The following ZNF766 variants were observed in gnomAD, a reference collection of about 807,000 sequenced individuals.
ZNF766 encodes the protein zinc finger protein 766.
ZNF766 carries 13 observed loss-of-function variants against 13.2 expected under a neutral mutation model. The observed-to-expected ratio is 0.98, with a 90% CI of 0.64 to 1.56. ZNF766 has a LOEUF of 1.56. Ranked by LOEUF, ZNF766 falls within the 40% of genes most tolerant of loss-of-function variation. ZNF766 has a pLI of 0.00. For synonymous variants in ZNF766, 178 were observed against 187.6 expected (o/e 0.95, Z 0.42); for missense variants, 521 against 552.2 (o/e 0.94, Z 0.57).
chr19:52,275,567 C>G (rs1981152859), intron 1 of ZNF766: 1 of 152,232 alleles, frequency 6.6e-6, no homozygotes, highest in Non-Finnish European at 1.5e-5. Context: ...CACTCACTCA[C>G]TCACCCACAG....
chr19:52,293,997 A>C lies in ZNF766; in HGVS notation c.*2799A>C, dbSNP rs1316268464. ...CACATAACAGTGCAGCTTCATCATC[A>C]TATGCCCTCAATGTTCATCACTGTT... is the stretch of plus-strand genomic sequence containing the variant. On this transcript the variant is annotated 3_prime_UTR_variant, in exon 4 of 4. Transcript: ENST00000439461. 6.6e-6 allele frequency: 1 copy of C among 152,160 alleles called. No individual in the cohort carries two copies. The highest frequency in any genetic ancestry group is 1.5e-5 in the Non-Finnish European group (1 of 68,036). 9.4% of individuals were successfully genotyped at this position (152,160 alleles called of 1,614,324 possible). A position where few individuals can be genotyped will look rare whatever the true frequency, so the allele number is the denominator to read the frequency against.
intron 1 of ZNF766, among the ~76,000 whole-genome samples, chr19:52,272,679 G>C (rs1322596858): frequency 6.6e-6 from 1 of 151,924 alleles, no homozygotes; most frequent in East Asian, 1.9e-4. Flanking sequence ...TGTTGAATAG[G>C]CTTGGATCTC....
intron 1 of ZNF766, among the ~76,000 whole-genome samples, chr19:52,273,026 T>TC (rs1600193714): frequency 6.7e-6 from 1 of 149,408 alleles, no homozygotes; most frequent in Admixed American, 6.7e-5. Flanking sequence ...TATTTTTTTT[T>TC]CGAGACGGAG....
At chr19:52,276,530 T>C (rs1338201455) in intron 1 of ZNF766, among the ~76,000 whole-genome samples, 1 of 152,182 alleles carries the variant, frequency 6.6e-6, no homozygotes. Context: ...AATAGTAGTC[T>C]TTTTGATCAG....
rs1982041933 is a variant in ZNF766 at position 52,290,047 on chromosome 19, T to G, written c.275-19T>G. ...CCAGAACCATGGGTTCAAATTATAC[T>G]CTTTACTTGCTTTCCTAGGGAGGAG... On this transcript the variant is annotated intron_variant, in intron 3 of 3. Transcript: ENST00000439461. 1.9e-6 allele frequency: 3 copies of G among 1,572,678 alleles called. No homozygotes were observed. Among genetic ancestry groups the G allele is most frequent in the African/African-American group, 1.4e-5 (1 of 73,176 alleles).
rs1237615465 is a variant in ZNF766, at chr19:52,290,991, A to G, written c.1200A>G (p.Arg400=). ...KVFTQVSHLA[R]HQKIHTGEKP... is the part of the protein sequence containing the mutation. Reference sequence around the variant, plus strand: ...TCACTCAAGTTTCACATCTTGCACGACATCAGAAAATTCACACTGGAGAGA... The same window carrying G: ...TCACTCAAGTTTCACATCTTGCACGGCATCAGAAAATTCACACTGGAGAGA... The change falls in exon 4 of 4, where the codon CGA becomes CGG. Residue 400 remains arginine (R), a synonymous_variant. Coordinates refer to ENST00000439461, the MANE Select transcript of ZNF766 (RefSeq NM_001010851.3). 4 of 1,613,934 alleles carry G rather than the reference A, an allele frequency of 2.5e-6. No individual in the cohort carries two copies. In the African/African-American group the frequency reaches 4.0e-5, roughly 16 times the overall value.
Position 52,291,863 on chromosome 19 carries a change from C to T in ZNF766, c.*665C>T. ...GCCAAGACAGGAGGGTCACTTGATG[C>T]CTGGAGATCAAGATAAGTATGGGCA... On this transcript the variant is annotated 3_prime_UTR_variant, in exon 4 of 4. Coordinates refer to ENST00000439461, the MANE Select transcript of ZNF766 (RefSeq NM_001010851.3). 1 of 349,024 alleles carries T rather than the reference C, an allele frequency of 2.9e-6. No individual in the cohort carries two copies. Among genetic ancestry groups the T allele is most frequent in the South Asian group, 6.8e-5 (1 of 14,656 alleles). The allele number at this position is 349,024 out of a possible 1,614,324, so 21.6% of individuals were successfully genotyped here.
At position 52,290,782 on chromosome 19, in the gene ZNF766, A is replaced by G. The variant is rs1251864734; in HGVS notation, c.991A>G (p.Lys331Glu). The G allele has an allele frequency of 6.2e-7, 1 of 1,613,888 alleles. No homozygotes were observed. Among genetic ancestry groups the G allele is most frequent in the East Asian group, 2.2e-5 (1 of 44,886 alleles). Residue 331 changes from lysine to glutamate, a missense_variant, in exon 4 of 4, where the codon AAA (lysine) becomes GAA (glutamate). Lys to Glu is a moderately conservative substitution (Grantham distance 56, BLOSUM62 1). Transcript: ENST00000439461. ...AGGAGAGAAACTTTACAAATGTAAT[A>G]AATGTGGCAAAGAATTTAGTGGGCA... is the stretch of plus-strand genomic sequence containing the variant. ...HTGEKLYKCNKCGKEFSGHSS... is the reference protein window; with the variant it reads ...HTGEKLYKCNECGKEFSGHSS...
At chr19:52,285,761 T>A (rs1358025171) in intron 3 of ZNF766, among the ~76,000 whole-genome samples, 1 of 151,864 alleles carries the variant, frequency 6.6e-6, no homozygotes, top group African/African-American at 2.4e-5. Flanking sequence ...AGACCCGCAA[T>A]CAGAAAGGTA....
Position 52,293,811 on chromosome 19 carries a change from GAC to G in ZNF766, c.*2615_*2616del, listed in dbSNP as rs1426105123. On this transcript the variant is annotated 3_prime_UTR_variant, in exon 4 of 4. Transcript: ENST00000439461. ...CAGCTAATTTTGTTTTTTTAGTAGA[GAC>G]AGGGTTTCTCCATATTGGTGAGGCT... is the stretch of plus-strand genomic sequence containing the variant. The G allele has an allele frequency of 1.3e-5, 2 of 151,874 alleles. No individual in the cohort carries two copies. The highest frequency in any genetic ancestry group is 2.9e-5 in the Non-Finnish European group (2 of 68,048). The allele number at this position is 151,874 out of a possible 1,614,324, so 9.4% of individuals were successfully genotyped here. A position where few individuals can be genotyped will look rare whatever the true frequency, so the allele number is the denominator to read the frequency against.
At chr19:52,272,152 C>A (rs1981007309) in intron 1 of ZNF766, among the ~76,000 whole-genome samples, 1 of 152,146 alleles carries the variant, frequency 6.6e-6, no homozygotes, top group Non-Finnish European at 1.5e-5. Context: ...TTTCTGTCTT[C>A]AGTCTTGCCT....
intron 3 of ZNF766, among the ~76,000 whole-genome samples, chr19:52,287,238 G>T (rs1400558341): frequency 6.6e-6 from 1 of 152,006 alleles, no homozygotes; most frequent in African/African-American, 2.4e-5. Flanking sequence ...CGCCTCCCGG[G>T]TTCAAGCGGT....
Position 52,290,401 on chromosome 19 carries a change from A to T in ZNF766, c.610A>T (p.Asn204Tyr), listed in dbSNP as rs1232372351. The stretch of plus-strand genomic sequence containing the variant: ...CTTCAGAGTGTCTTCAAGCCTTCCT[A>T]ATCATCAAGTAATCCACACTGCAGA... Reference protein sequence around the residue: ...KVFRVSSSLPNHQVIHTADKP... With the variant: ...KVFRVSSSLPYHQVIHTADKP... The change falls in exon 4 of 4, where the codon AAT (asparagine) becomes TAT (tyrosine). Residue 204 changes from asparagine (N) to tyrosine (Y), a missense_variant. By Grantham distance (143) the Asn-to-Tyr change is moderately radical (BLOSUM62 -2). Transcript: ENST00000439461. The T allele has an allele frequency of 1.2e-6, 2 of 1,613,832 alleles. No individual in the cohort carries two copies. Among genetic ancestry groups the T allele is most frequent in the South Asian group, 2.2e-5 (2 of 91,094 alleles).
intron 1 of ZNF766, among the ~76,000 whole-genome samples, chr19:52,278,173 A>G (rs1018354327): frequency 2.0e-5 from 3 of 151,860 alleles, no homozygotes; most frequent in Non-Finnish European, 2.9e-5. Context: ...GGGTTTCACC[A>G]TCTCCACCCA....
chr19:52,282,528 C>G (rs62110408), intron 2 of ZNF766: 27 of 205,120 alleles, frequency 1.3e-4, no homozygotes, highest in Non-Finnish European at 2.5e-4. Context: ...CTCAGCTACA[C>G]GGGAGGCTGA....
At chr19:52,276,967 T>G (rs1011072024) in intron 1 of ZNF766, among the ~76,000 whole-genome samples, 4 of 152,152 alleles carry the variant, frequency 2.6e-5, no homozygotes, top group African/African-American at 9.7e-5. Flanking sequence ...GAGCGGGTTC[T>G]GAAGAAAGGG....
rs146370183 is a variant in ZNF766 at position 52,278,424 on chromosome 19, A to G, written c.19-3687A>G. ...CACTTTTTTCGTTTGTTTGTTTGAG[A>G]TGGAATTTCGCTGTTGTCGCCCAGG... On this transcript the variant is annotated intron_variant, in intron 1 of 3. Coordinates refer to ENST00000439461, the MANE Select transcript of ZNF766 (RefSeq NM_001010851.3). 6.3e-4 allele frequency among the ~76,000 whole-genome samples: 96 copies of G among 151,516 alleles called. 1 individual carries two copies. Among genetic ancestry groups the G allele is most frequent in the Middle Eastern group, 3.4e-3 (1 of 292 alleles).
Position 52,289,146 on chromosome 19 carries a change from G to A in ZNF766, c.275-920G>A, listed in dbSNP as rs201032325. ...GCTGGGATTACAGGCGTGAGCCACC[G>A]CATGTGGTTTTTTTTTTTTTTTGAA... is the stretch of plus-strand genomic sequence containing the variant. On this transcript the variant is annotated intron_variant, in intron 3 of 3. Coordinates refer to ENST00000439461, the MANE Select transcript of ZNF766 (RefSeq NM_001010851.3). Among the ~76,000 whole-genome samples, 321 of 147,596 alleles carry A rather than the reference G, an allele frequency of 2.2e-3. 6 individuals carry two copies. The East Asian group carries it at 0.029, about 13-fold the overall frequency.
At chr19:52,289,944 T>A in intron 3 of ZNF766, 122 bp from the exon 4 acceptor site, 1 of 971,806 alleles carries the variant, frequency 1.0e-6, no homozygotes, top group East Asian at 2.6e-5. Context: ...GAGCTTGCAG[T>A]GATCCGAGAT....
Sources: allele counts gnomAD v4.1 joint callset (sites outside exome capture counted in the v4.1 genomes callset), GRCh38; gene constraint gnomAD v4.1.1; transcripts MANE v1.5; gene names NCBI Gene and HGNC (gene_info 2026-07-23, HGNC 2026-07-21).